The following TRIM49C variants were observed in gnomAD, a reference collection of about 807,000 sequenced individuals.
The protein encoded by TRIM49C is tripartite motif containing 49C, also known as tripartite motif-containing protein 49C.
TRIM49C carries 6 observed loss-of-function variants against 21.4 expected under a neutral mutation model. That is an observed-to-expected ratio of 0.28 (90% CI 0.15 to 0.55). The LOEUF (loss-of-function observed/expected upper bound fraction) is 0.55, where lower values mean the gene tolerates loss of function less well. Among genes scored for constraint, TRIM49C ranks in the 20% least tolerant of loss-of-function variants. The probability of loss-of-function intolerance (pLI) is 0.94; values close to 1 mark genes in which losing one functional copy is unlikely to be tolerated. For synonymous variants in TRIM49C, 57 were observed against 148.1 expected, an observed-to-expected ratio of 0.38 and a Z score of 4.47; for missense variants, 161 against 442.4, an observed-to-expected ratio of 0.36 and a Z score of 5.71.
chr11:90,052,449 C>G, the TRIM49C span: 1 of 170,088 alleles, frequency 5.9e-6, no homozygotes, highest in East Asian at 1.6e-4. Context: ...CGCCCCGGTC[C>G]TCTGGGCCAC....
chr11:90,047,815 T>C, the TRIM49C span, among the ~76,000 whole-genome samples: 525 of 91,298 alleles, frequency 5.8e-3, no homozygotes, highest in Middle Eastern at 0.015. Flanking sequence ...GTCATTATGA[T>C]GTTAGCTGGT....
At chr11:90,048,373 C>T in the TRIM49C span, among the ~76,000 whole-genome samples, 6 of 122,466 alleles carry the variant, frequency 4.9e-5, 2 homozygotes, top group Non-Finnish European at 6.6e-5. Flanking sequence ...TTTTCCAACT[C>T]GTTTCCATAC....
the TRIM49C span, among the ~76,000 whole-genome samples, chr11:90,048,682 G>A: frequency 0.046 from 6,020 of 130,676 alleles, 479 homozygotes; most frequent in Non-Finnish European, 0.059. Flanking sequence ...CTTTTTTCAA[G>A]GTTTTTAGCT....
the TRIM49C span, among the ~76,000 whole-genome samples, chr11:90,059,931 C>T: frequency 4.9e-5 from 7 of 142,920 alleles, no homozygotes; most frequent in Admixed American, 1.4e-4. Flanking sequence ...AACCTCCCAC[C>T]CCTCTAGAGT....
the TRIM49C span, among the ~76,000 whole-genome samples, chr11:90,069,127 C>T: frequency 7.4e-6 from 1 of 135,994 alleles, no homozygotes. Flanking sequence ...GTTTTTGAGA[C>T]AGAGTCTCGC....
At chr11:90,059,830 G>A in the TRIM49C span, among the ~76,000 whole-genome samples, 4 of 146,294 alleles carry the variant, frequency 2.7e-5, no homozygotes, top group African/African-American at 1.1e-4. Context: ...GATGGAGGAG[G>A]CCCGGGTCAT....
chr11:90,033,188 G>A (rs1459108415), intron 2 of TRIM49C, among the ~76,000 whole-genome samples: 1 of 131,386 alleles, frequency 7.6e-6, no homozygotes, highest in Admixed American at 9.0e-5. Context: ...TCTTAGATGA[G>A]TTCTGGAAAA....
intron 4 of TRIM49C, among the ~76,000 whole-genome samples, chr11:90,037,402 G>T (rs1489436698): frequency 1.5e-5 from 2 of 132,572 alleles, no homozygotes; most frequent in African/African-American, 5.4e-5. Context: ...GAAATAGAAA[G>T]AATTGTTTCC....
downstream of TRIM49C, among the ~76,000 whole-genome samples, chr11:90,046,399 C>T (rs1440933776): frequency 7.9e-6 from 1 of 126,908 alleles, no homozygotes; most frequent in Non-Finnish European, 1.6e-5. Flanking sequence ...GCTGTGAATC[C>T]ATCTGGACCC....
the TRIM49C span, among the ~76,000 whole-genome samples, chr11:90,048,421 G>C: frequency 2.4e-5 from 3 of 122,662 alleles, no homozygotes; most frequent in Non-Finnish European, 5.0e-5. Context: ...CACAGATTTG[G>C]TCTTTTCACA....
In TRIM49C at chr11:90,035,576, G is replaced by A. The variant is rs555345988; in HGVS notation, c.365G>A (p.Arg122Gln). The A allele has an allele frequency of 5.7e-5, 83 of 1,451,210 alleles. 14 individuals carry two copies. Among genetic ancestry groups the A allele is most frequent in the Non-Finnish European group, 7.4e-5 (80 of 1,088,036 alleles). The allele number at this position is 1,451,210 out of a possible 1,614,324, so 89.9% of individuals were successfully genotyped here. Residue 122 changes from arginine to glutamine, a missense_variant, in exon 3 of 8, where the codon CGG becomes CAG. This residue lies in a region of TRIM49C where 80 missense variants were observed against 314.8 expected (regional missense o/e 0.25). Coordinates refer to ENST00000448984, the MANE Select transcript of TRIM49C (RefSeq NM_001195234.1). ...CLLCSSSQEH[R>Q]YHRHRPIEWA... ...CTGTGCTCCAGCTCTCAGGAGCACC[G>A]GTATCACAGACACCGTCCCATTGAG...
chr11:90,062,297 T>C, the TRIM49C span, among the ~76,000 whole-genome samples: 28 of 119,262 alleles, frequency 2.3e-4, no homozygotes, highest in African/African-American at 4.8e-4. Context: ...AACTGGCTTT[T>C]ATATAACCTG....
chr11:90,039,045 G>A (rs1162252183), intron 6 of TRIM49C, among the ~76,000 whole-genome samples: 2 of 135,702 alleles, frequency 1.5e-5, no homozygotes, highest in African/African-American at 5.3e-5. Context: ...TCAGCCTCCC[G>A]AGTACCCGGG....
the TRIM49C span, among the ~76,000 whole-genome samples, chr11:90,055,691 G>C: frequency 1.4e-5 from 2 of 146,340 alleles, no homozygotes; most frequent in Admixed American, 1.4e-4. Context: ...AAATACTCTT[G>C]TCCCTCCTAC....
chr11:90,072,000 G>C, the TRIM49C span, among the ~76,000 whole-genome samples: 1 of 141,606 alleles, frequency 7.1e-6, no homozygotes, highest in South Asian at 2.4e-4. Context: ...TCTTGGAAAA[G>C]TAAAACACGC....
chr11:90,046,144 T>C (rs616056), downstream of TRIM49C, among the ~76,000 whole-genome samples: 98,710 of 120,836 alleles, frequency 0.82, 44,776 homozygotes, highest in African/African-American at 0.94. Context: ...TTGCTCTTGG[T>C]GGATAAGCTT....
chr11:90,048,632 C>T, the TRIM49C span, among the ~76,000 whole-genome samples: 1 of 134,382 alleles, frequency 7.4e-6, no homozygotes. Context: ...CATTTAAGGA[C>T]TTCTCTACCT....
the TRIM49C span, chr11:90,052,118 G>A: frequency 2.0e-6 from 1 of 503,164 alleles, no homozygotes; most frequent in Non-Finnish European, 3.3e-6. Context: ...GCCTTCCGCA[G>A]GGAGGGGTCG....
At position 90,039,303 on chromosome 11, in the gene TRIM49C, A is replaced by G. The variant is rs552262777; in HGVS notation, c.762-562A>G. On this transcript the variant is annotated intron_variant, in intron 6 of 7. Transcript: ENST00000448984. ...TGAATGGTGAGAAAGTCACCAGAGG[A>G]AGCAGGAGAGAAGAGGAGGAAGTAT... Among the ~76,000 whole-genome samples, 198 of 129,742 alleles carry G rather than the reference A, an allele frequency of 1.5e-3. 29 individuals are homozygous for G. Among genetic ancestry groups the G allele is most frequent in the South Asian group, 0.013 (48 of 3,622 alleles). The allele number at this position is 129,742 out of a possible 152,430, so 85.1% of individuals were successfully genotyped here.
Sources: gnomAD v4.1 joint callset for allele counts (sites outside exome capture counted in the v4.1 genomes callset) on GRCh38, gnomAD v4.1.1 for gene constraint, gnomAD v4.1.1 regional missense constraint, MANE v1.5 for transcripts, NCBI Gene and HGNC (gene_info 2026-07-23, HGNC 2026-07-21) for gene names.